Variants in ANKRD7 observed in about 807,000 individuals in gnomAD.
ANKRD7 encodes ankyrin repeat domain 7.
In ANKRD7, 30 loss-of-function variants were observed where a neutral mutation model predicts 30.8. The ratio of observed to expected loss-of-function variants is 0.97; its 90% CI spans 0.73 to 1.32. The LOEUF (loss-of-function observed/expected upper bound fraction) is 1.32, where lower values mean the gene tolerates loss of function less well. Ranked by LOEUF, ANKRD7 falls within the 40% of genes most tolerant of loss-of-function variation. ANKRD7 has a pLI of 0.00. For synonymous variants in ANKRD7, 97 were observed against 106.6 expected, an observed-to-expected ratio of 0.91 and a Z score of 0.55; for missense variants, 264 against 295.7, an observed-to-expected ratio of 0.89 and a Z score of 0.79.
At chr7:118,230,486 TG>T (rs1809617164) in intron 1 of ANKRD7, among the ~76,000 whole-genome samples, 1 of 149,168 alleles carries the variant, frequency 6.7e-6, no homozygotes. Flanking sequence ...GTTTTAGATA[TG>T]GGGGGAGGGG....
intron 1 of ANKRD7, among the ~76,000 whole-genome samples, chr7:118,229,976 A>G (rs1170389627): frequency 1.3e-5 from 2 of 152,084 alleles, no homozygotes; most frequent in African/African-American, 4.8e-5. Flanking sequence ...ATAAAATCCA[A>G]CATCCCTTCA....
rs1234221579 is a variant in ANKRD7 at position 118,236,046 on chromosome 7, G to T, written c.474G>T (p.Gly158=). The T allele has an allele frequency of 1.9e-6, 3 of 1,540,478 alleles. No homozygotes were observed. The highest frequency in any genetic ancestry group is 2.3e-5 in the South Asian group (2 of 86,692). The change falls in exon 4 of 7, where the codon GGG becomes GGT. Residue 158 remains glycine (G), a synonymous_variant. Transcript: ENST00000265224. ...EADLEAKNKD[G]YTPLLVAVIN... ...TTTTTAAATATTTTTTTCAGGATGGGTATACTCCACTATTAGTTGCCGTTA... is the reference window on the plus strand; with the variant it reads ...TTTTTAAATATTTTTTTCAGGATGGTTATACTCCACTATTAGTTGCCGTTA...
intron 1 of ANKRD7, among the ~76,000 whole-genome samples, chr7:118,228,827 G>A (rs1208319147): frequency 6.6e-6 from 1 of 152,092 alleles, no homozygotes; most frequent in African/African-American, 2.4e-5. Flanking sequence ...CCACCATTAT[G>A]TCTTACCTAG....
chr7:118,235,440 G>A (rs922353008), intron 3 of ANKRD7, among the ~76,000 whole-genome samples: 2 of 151,894 alleles, frequency 1.3e-5, no homozygotes, highest in African/African-American at 2.4e-5. Context: ...GTGAAACCCC[G>A]TCTCTACTAA....
At chr7:118,241,189 A>T (rs1809834777) in intron 6 of ANKRD7, among the ~76,000 whole-genome samples, 1 of 150,240 alleles carries the variant, frequency 6.7e-6, no homozygotes, top group African/African-American at 2.4e-5. Flanking sequence ...AAAAAAAAGA[A>T]TATATAGTTA....
At chr7:118,232,720 TTGTG>T (rs3061652) in intron 1 of ANKRD7, among the ~76,000 whole-genome samples, 14 of 146,008 alleles carry the variant, frequency 9.6e-5, no homozygotes, top group African/African-American at 2.5e-4. Context: ...AGCAGTGTGT[TTGTG>T]TGTGTGTGTG....
chr7:118,233,778 A>C (rs1809680010), intron 1 of ANKRD7, among the ~76,000 whole-genome samples: 1 of 152,156 alleles, frequency 6.6e-6, no homozygotes, highest in Non-Finnish European at 1.5e-5. Flanking sequence ...ATGTTTATTG[A>C]GGGCCAGTCC....
rs1206582404 is a variant in ANKRD7, at chr7:118,224,779, A to G, written c.-52A>G. ...GGGCAGAGGGGCAGGGCGGACGGCT[A>G]GGAGTTCAAGAAACATCCTGGTCTG... is the stretch of plus-strand genomic sequence containing the variant. On this transcript the variant is annotated 5_prime_UTR_variant, in exon 1 of 7. It removes the in-frame stop codon of an upstream open reading frame in the 5' UTR. Transcript: ENST00000265224. 4 of 1,567,822 alleles carry G rather than the reference A, an allele frequency of 2.6e-6. No homozygotes were observed. Among genetic ancestry groups the G allele is most frequent in the Non-Finnish European group, 3.4e-6 (4 of 1,160,730 alleles).
intron 3 of ANKRD7, 26 bp from the exon 4 acceptor site, chr7:118,236,015 T>C: frequency 2.4e-6 from 3 of 1,265,722 alleles, no homozygotes; most frequent in Non-Finnish European, 3.4e-6. Context: ...TACAATATTT[T>C]AATCATTTTT....
chr7:118,236,657 T>A (rs1809735391), intron 4 of ANKRD7, 133 bp from the exon 5 acceptor site: 1 of 960,466 alleles, frequency 1.0e-6, no homozygotes, highest in Admixed American at 2.4e-5. Flanking sequence ...ATCTGCTGTA[T>A]TTTTTACATT....
At chr7:118,225,486 C>CAAA (rs60691080) in intron 1 of ANKRD7, among the ~76,000 whole-genome samples, 2 of 124,348 alleles carry the variant, frequency 1.6e-5, no homozygotes, top group African/African-American at 2.9e-5. Context: ...AGACTCATCT[C>CAAA]AAAAAAAAAA....
At chr7:118,234,937 A>T in intron 3 of ANKRD7, 63 bp downstream of exon 3, 1 of 1,347,534 alleles carries the variant, frequency 7.4e-7, no homozygotes, top group African/African-American at 1.5e-5. Context: ...CATATTTCAG[A>T]TAATTCATCT....
In ANKRD7 at chr7:118,236,776, ATC is replaced by A. The variant is rs889887004; in HGVS notation, c.576-10_576-9del. ...GATCTTTACATGGGCATTCATTTCT[ATC>A]TCTTGCTCCAGAACAGCCCTTATTC... On this transcript the variant is annotated splice_polypyrimidine_tract_variant and intron_variant, in intron 4 of 6. Coordinates refer to ENST00000265224, the MANE Select transcript of ANKRD7 (RefSeq NM_019644.4). 1.9e-6 allele frequency: 3 copies of A among 1,607,580 alleles called. No homozygotes were observed. Among genetic ancestry groups the A allele is most frequent in the Non-Finnish European group, 2.5e-6 (3 of 1,177,664 alleles).
chr7:118,230,626 G>T (rs1267686391), intron 1 of ANKRD7, among the ~76,000 whole-genome samples: 1 of 151,394 alleles, frequency 6.6e-6, no homozygotes, highest in African/African-American at 2.4e-5. Flanking sequence ...GTATATTTCT[G>T]TTTGAACGTG....
Position 118,234,902 on chromosome 7 carries a change from T to G in ANKRD7, c.468+28T>G, listed in dbSNP as rs749030154. ...AGTTTTCTATTAAAGAAAAAAATCC[T>G]GTATTTTAGAAAGCAACTGAAGAGC... On this transcript the variant is annotated intron_variant, in intron 3 of 6. Coordinates refer to ENST00000265224, the MANE Select transcript of ANKRD7 (RefSeq NM_019644.4). 100 of 1,554,442 alleles carry G rather than the reference T, an allele frequency of 6.4e-5. No homozygotes were observed. The Admixed American group carries it at 2.0e-3, about 32-fold the overall frequency.
At chr7:118,230,290 G>C (rs1809612473) in intron 1 of ANKRD7, among the ~76,000 whole-genome samples, 2 of 152,062 alleles carry the variant, frequency 1.3e-5, no homozygotes, top group East Asian at 3.9e-4. Context: ...GACTCCAAAT[G>C]GGGGAATGGT....
intron 1 of ANKRD7, among the ~76,000 whole-genome samples, chr7:118,227,310 G>A (rs1024652591): frequency 6.6e-6 from 1 of 152,224 alleles, no homozygotes; most frequent in East Asian, 1.9e-4. Context: ...ATTGTTTATG[G>A]GGAAGCTGGG....
chr7:118,240,921 G>A (rs1032262735), intron 6 of ANKRD7, among the ~76,000 whole-genome samples: 2 of 151,462 alleles, frequency 1.3e-5, no homozygotes, highest in South Asian at 2.1e-4. Context: ...TTGGGAAGCC[G>A]AGGCGGGTGG....
chr7:118,225,189 TA>T (rs374393304), intron 1 of ANKRD7, among the ~76,000 whole-genome samples, 180 bp downstream of exon 1: 4,884 of 149,268 alleles, frequency 0.033, 132 homozygotes, highest in East Asian at 0.076. Flanking sequence ...TTATTTAATT[TA>T]AAAAAAAAAT....
Sources: gnomAD v4.1 joint callset for allele counts (sites outside exome capture counted in the v4.1 genomes callset) on GRCh38, gnomAD v4.1.1 for gene constraint, MANE v1.5 for transcripts, NCBI Gene and HGNC (gene_info 2026-07-23, HGNC 2026-07-21) for gene names.